CHIC2: variants seen among roughly 807,000 people sequenced by gnomAD.
The protein encoded by CHIC2 is cysteine rich hydrophobic domain 2.
Under a neutral mutation model 25.9 loss-of-function variants are expected in CHIC2, and 14 were observed. The ratio of observed to expected loss-of-function variants is 0.54; its 90% CI spans 0.36 to 0.85. The LOEUF is 0.85. Ranked by LOEUF, CHIC2 falls within the 40% of genes least tolerant of loss-of-function variation. The pLI, the probability that CHIC2 is intolerant of heterozygous loss-of-function variation, is 0.01. For missense variants in CHIC2, 146 were observed against 202.0 expected, an observed-to-expected ratio of 0.72 and a Z score of 1.68; for synonymous variants, 70 against 72.0, an observed-to-expected ratio of 0.97 and a Z score of 0.14.
At chr4:54,017,020 T>TA (rs911748494) in intron 3 of CHIC2, among the ~76,000 whole-genome samples, 7 of 151,932 alleles carry the variant, frequency 4.6e-5, no homozygotes, top group Admixed American at 2.0e-4. Flanking sequence ...TGGCAGATAC[T>TA]AAAAAAAATG....
chr4:54,047,296 T>A (rs1243503431), intron 3 of CHIC2, among the ~76,000 whole-genome samples: 1 of 152,178 alleles, frequency 6.6e-6, no homozygotes, highest in Non-Finnish European at 1.5e-5. Flanking sequence ...ATCCCATTAC[T>A]GGGTATATAC....
the CHIC2 span, among the ~76,000 whole-genome samples, chr4:54,085,413 C>T: frequency 6.6e-6 from 1 of 152,262 alleles, no homozygotes. Context: ...GGGACACTGT[C>T]TTGCTCAATC....
the CHIC2 span, chr4:54,086,919 G>C: frequency 4.7e-6 from 3 of 639,558 alleles, no homozygotes; most frequent in African/African-American, 5.6e-5. Flanking sequence ...GGAATAAAAA[G>C]GGTTGAATGA....
the CHIC2 span, among the ~76,000 whole-genome samples, chr4:54,080,789 G>A: frequency 6.6e-6 from 1 of 150,392 alleles, no homozygotes; most frequent in Non-Finnish European, 1.5e-5. Context: ...GGTCTCTAAT[G>A]TACAGCATGG....
chr4:54,040,153 G>A (rs142213016), intron 3 of CHIC2, among the ~76,000 whole-genome samples: 23 of 152,064 alleles, frequency 1.5e-4, no homozygotes, highest in East Asian at 3.9e-4. Flanking sequence ...AACTCTATGC[G>A]TTTATCAAAA....
At chr4:54,013,587 G>C (rs1415697304) in intron 5 of CHIC2, among the ~76,000 whole-genome samples, 1 of 152,046 alleles carries the variant, frequency 6.6e-6, no homozygotes, top group African/African-American at 2.4e-5. Context: ...CACATGTTCA[G>C]GCTATTTTAT....
intron 2 of CHIC2, 35 bp downstream of exon 2, chr4:54,049,216 G>A (rs368965471): frequency 3.1e-5 from 48 of 1,570,932 alleles, no homozygotes; most frequent in Non-Finnish European, 4.1e-5. Context: ...CTTTCATTTT[G>A]AGGCATACAA....
At chr4:54,076,927 T>C in the CHIC2 span, 1 of 152,126 alleles carries the variant, frequency 6.6e-6, no homozygotes, top group Non-Finnish European at 1.5e-5. Context: ...CTATGAAACA[T>C]GAATATGTGG....
chr4:54,037,866 T>C (rs74790082), intron 3 of CHIC2, among the ~76,000 whole-genome samples: 1,574 of 151,872 alleles, frequency 0.01, 23 homozygotes, highest in African/African-American at 0.035. Context: ...AAATACTATA[T>C]AAAAATGTGT....
the CHIC2 span, among the ~76,000 whole-genome samples, chr4:54,082,524 C>T: frequency 5.9e-5 from 9 of 152,188 alleles, no homozygotes; most frequent in Non-Finnish European, 1.2e-4. Context: ...CAGGATTTCC[C>T]TACTCCACTC....
In CHIC2 at chr4:54,064,313, A is replaced by G. The variant is rs1292647666; in HGVS notation, c.-13T>C. The G allele has an allele frequency of 6.2e-7, 1 of 1,612,936 alleles. No homozygotes were observed. The highest frequency in any genetic ancestry group is 8.5e-7 in the Non-Finnish European group (1 of 1,179,514). ...CGAAATCCGCCATCCTGAGCCTCCGAGCTCCCCTGCCCAAAGGGCCTGACT... is the reference window on the plus strand; with the variant it reads ...CGAAATCCGCCATCCTGAGCCTCCGGGCTCCCCTGCCCAAAGGGCCTGACT... On this transcript the variant is annotated 5_prime_UTR_variant, in exon 1 of 6. Coordinates refer to ENST00000263921, the MANE Select transcript of CHIC2 (RefSeq NM_012110.4). This position sits in a 1 kb window ranked among gnomAD's most constrained non-coding sequence, Gnocchi z 4.2.
intron 3 of CHIC2, among the ~76,000 whole-genome samples, chr4:54,048,131 G>A (rs2110084551): frequency 6.6e-6 from 1 of 152,182 alleles, no homozygotes; most frequent in African/African-American, 2.4e-5. Context: ...TGGGATTACA[G>A]GCACCCGCCA....
At chr4:54,054,367 A>G (rs920107557) in intron 1 of CHIC2, among the ~76,000 whole-genome samples, 3 of 152,158 alleles carry the variant, frequency 2.0e-5, no homozygotes, top group Non-Finnish European at 4.4e-5. Context: ...AAATTAAGAC[A>G]TGTTTTGAAC....
At chr4:54,040,873 C>T (rs939013721) in intron 3 of CHIC2, among the ~76,000 whole-genome samples, 3 of 151,292 alleles carry the variant, frequency 2.0e-5, no homozygotes, top group Non-Finnish European at 4.4e-5. Flanking sequence ...AGTAAAACAC[C>T]GTCTCAATCA....
Position 54,049,307 on chromosome 4 carries a change from T to C in CHIC2, c.120-2A>G. On this transcript the variant is annotated splice_acceptor_variant, in intron 1 of 5. Transcript: ENST00000263921. LOFTEE classifies it high-confidence loss of function. ...TCAAATTTGTTGCTCAGTCCAAATCTATTTTAAAAAATAAGAAGAATATGT... is the reference window on the plus strand; with the variant it reads ...TCAAATTTGTTGCTCAGTCCAAATCCATTTTAAAAAATAAGAAGAATATGT... 6.4e-7 allele frequency: 1 copy of C among 1,568,708 alleles called. No homozygotes were observed. The highest frequency in any genetic ancestry group is 8.7e-7 in the Non-Finnish European group (1 of 1,150,284).
At chr4:54,015,503 C>T (rs1226518809) in intron 3 of CHIC2, among the ~76,000 whole-genome samples, 1 of 152,096 alleles carries the variant, frequency 6.6e-6, no homozygotes, top group Non-Finnish European at 1.5e-5. Flanking sequence ...AGCCCCAAAT[C>T]AAAAGAAAAT....
At chr4:54,087,982 AG>A in the CHIC2 span, among the ~76,000 whole-genome samples, 1 of 152,210 alleles carries the variant, frequency 6.6e-6, no homozygotes, top group South Asian at 2.1e-4. Flanking sequence ...AGTTGCTACC[AG>A]GGTATGCAGT....
At chr4:54,053,723 TG>T (rs990411197) in intron 1 of CHIC2, among the ~76,000 whole-genome samples, 4 of 152,126 alleles carry the variant, frequency 2.6e-5, no homozygotes, top group African/African-American at 7.2e-5. Flanking sequence ...TTGTGTCATT[TG>T]TTTTTTTTTA....
upstream of CHIC2, among the ~76,000 whole-genome samples, chr4:54,067,134 G>A (rs1399846136): frequency 2.0e-5 from 3 of 152,198 alleles, no homozygotes; most frequent in Non-Finnish European, 4.4e-5. Context: ...AGAGGACTGT[G>A]AGAACCTCAC....
Sources: allele counts gnomAD v4.1 joint callset (sites outside exome capture counted in the v4.1 genomes callset), GRCh38; gene constraint gnomAD v4.1.1; non-coding constraint Gnocchi (gnomAD v3.1); transcripts MANE v1.5; gene names NCBI Gene and HGNC (gene_info 2026-07-23, HGNC 2026-07-21).